FSTL4: variants seen among roughly 807,000 people sequenced by gnomAD.
FSTL4 encodes follistatin like 4.
In FSTL4, 28 loss-of-function variants were observed where a neutral mutation model predicts 78.2. The ratio of observed to expected loss-of-function variants is 0.36; its 90% confidence interval spans 0.27 to 0.49. FSTL4 has a LOEUF of 0.49. Ranked by LOEUF, FSTL4 falls within the 20% of genes least tolerant of loss-of-function variation. The pLI is 0.98. For synonymous variants in FSTL4, 422 were observed against 440.5 expected (o/e 0.96, Z 0.53); for missense variants, 922 against 1,084.9 (o/e 0.85, Z 2.11).
At chr5:133,297,543 T>C (rs1280223792) in intron 6 of FSTL4, among the ~76,000 whole-genome samples, 1 of 152,196 alleles carries the variant, frequency 6.6e-6, no homozygotes, top group African/African-American at 2.4e-5. Flanking sequence ...TGGTATCTTT[T>C]CATAAGGATT....
In FSTL4 at chr5:133,383,751, A is replaced by T. The variant is rs150814774; in HGVS notation, c.409+16987T>A. ...CATGCTCCAGTCACCAAGGCGGTTG[A>T]TTAAATACCCAGATTCCCATGTCTT... On this transcript the variant is annotated intron_variant, in intron 4 of 15. Coordinates refer to ENST00000265342, the MANE Select transcript of FSTL4 (RefSeq NM_015082.2). 6.4e-3 allele frequency among the ~76,000 whole-genome samples: 974 copies of T among 152,294 alleles called. 3 individuals are homozygous for T. The highest frequency in any genetic ancestry group is 8.3e-3 in the Non-Finnish European group (567 of 68,016).
chr5:133,589,935 C>T (rs1180579998), intron 2 of FSTL4, among the ~76,000 whole-genome samples: 1 of 152,092 alleles, frequency 6.6e-6, no homozygotes, highest in Non-Finnish European at 1.5e-5. Flanking sequence ...GTAAAATAAA[C>T]AAATTAATAA....
chr5:133,762,236 G>A, the FSTL4 span, among the ~76,000 whole-genome samples: 9 of 152,196 alleles, frequency 5.9e-5, no homozygotes, highest in African/African-American at 2.2e-4. Flanking sequence ...GGCTAGGCCA[G>A]CCTCTAGACC....
intron 6 of FSTL4, among the ~76,000 whole-genome samples, chr5:133,311,052 G>A (rs1362959226): frequency 1.3e-5 from 2 of 152,054 alleles, no homozygotes; most frequent in Non-Finnish European, 2.9e-5. Flanking sequence ...TCCCCTTTTT[G>A]GTAGCATATG....
chr5:133,775,225 AC>A, the FSTL4 span, among the ~76,000 whole-genome samples: 1 of 152,242 alleles, frequency 6.6e-6, no homozygotes. Flanking sequence ...TCTGTGGCAG[AC>A]AGAGATGTTA....
chr5:133,381,661 C>G (rs1006777500), intron 4 of FSTL4, among the ~76,000 whole-genome samples: 1 of 152,206 alleles, frequency 6.6e-6, no homozygotes, highest in Middle Eastern at 3.2e-3. Context: ...ACTGCATGTA[C>G]ACATTTTCAT....
intron 2 of FSTL4, among the ~76,000 whole-genome samples, chr5:133,573,439 TATAG>T (rs1760204502): frequency 6.6e-6 from 1 of 152,158 alleles, no homozygotes; most frequent in African/African-American, 2.4e-5. Flanking sequence ...AAAACATGGC[TATAG>T]ATAAAGTAGG....
At chr5:133,212,721 A>T (rs964641065) in intron 13 of FSTL4, among the ~76,000 whole-genome samples, 4 of 152,192 alleles carry the variant, frequency 2.6e-5, no homozygotes, top group African/African-American at 9.6e-5. Context: ...AGTGGCTGAC[A>T]TTTTTTTTCA....
At chr5:133,327,134 C>T (rs1382846549) in intron 4 of FSTL4, among the ~76,000 whole-genome samples, 7 of 152,216 alleles carry the variant, frequency 4.6e-5, no homozygotes, top group Non-Finnish European at 1.0e-4. Flanking sequence ...CTTTCAACCA[C>T]ATAACACCAG....
intron 3 of FSTL4, among the ~76,000 whole-genome samples, chr5:133,498,493 C>T (rs561551251): frequency 6.6e-6 from 1 of 152,218 alleles, no homozygotes; most frequent in South Asian, 2.1e-4. Context: ...CTGAGGCAGG[C>T]AGATCACGAG....
intron 6 of FSTL4, among the ~76,000 whole-genome samples, chr5:133,295,627 G>A (rs1753376626): frequency 1.3e-5 from 2 of 152,126 alleles, no homozygotes; most frequent in African/African-American, 2.4e-5. Flanking sequence ...ATCCCACTGC[G>A]TGGAAACTGC....
the FSTL4 span, among the ~76,000 whole-genome samples, chr5:133,787,702 G>A: frequency 4.6e-5 from 7 of 152,062 alleles, no homozygotes; most frequent in Admixed American, 2.6e-4. Flanking sequence ...CCCATCAGAG[G>A]GGCCCACCTG....
At chr5:133,450,037 T>A (rs1378068800) in intron 3 of FSTL4, among the ~76,000 whole-genome samples, 1 of 152,144 alleles carries the variant, frequency 6.6e-6, no homozygotes, top group Non-Finnish European at 1.5e-5. Flanking sequence ...GGCTTTTGTG[T>A]TGGCAGCCCC....
chr5:133,640,878 G>A, the FSTL4 span, among the ~76,000 whole-genome samples: 3 of 152,184 alleles, frequency 2.0e-5, no homozygotes, highest in Non-Finnish European at 4.4e-5. Context: ...GAGCTGCCTC[G>A]CTGCTCTGGA....
chr5:133,662,036 TAAAAATAGA>T, the FSTL4 span, among the ~76,000 whole-genome samples: 1 of 152,248 alleles, frequency 6.6e-6, no homozygotes, highest in Non-Finnish European at 1.5e-5. Flanking sequence ...TGATTATATT[TAAAAATAGA>T]ATCAAGTTTG....
chr5:133,726,536 T>C, the FSTL4 span, among the ~76,000 whole-genome samples: 1 of 152,228 alleles, frequency 6.6e-6, no homozygotes. Context: ...CAATTTCCTT[T>C]ATCCCCATGA....
chr5:133,465,502 C>T (rs1436214711), intron 3 of FSTL4, among the ~76,000 whole-genome samples: 2 of 152,240 alleles, frequency 1.3e-5, no homozygotes, highest in Non-Finnish European at 2.9e-5. Context: ...GTGCTGAGCC[C>T]AGCCCATGGT....
chr5:133,593,684 A>G (rs752433082), intron 2 of FSTL4, among the ~76,000 whole-genome samples: 2 of 152,196 alleles, frequency 1.3e-5, no homozygotes, highest in Non-Finnish European at 2.9e-5. Context: ...CGGGAGGCAG[A>G]TGGACTTCTT....
chr5:133,212,770 C>T (rs1478500404), intron 13 of FSTL4, among the ~76,000 whole-genome samples: 4 of 151,838 alleles, frequency 2.6e-5, no homozygotes, highest in African/African-American at 9.7e-5. Flanking sequence ...TCAAGAAATA[C>T]ACATATTCTT....
Sources: gnomAD v4.1 joint callset for allele counts (sites outside exome capture counted in the v4.1 genomes callset) on GRCh38, gnomAD v4.1.1 for gene constraint, MANE v1.5 for transcripts, NCBI Gene and HGNC (gene_info 2026-07-23, HGNC 2026-07-21) for gene names.